The following ST3GAL6 variants were observed in gnomAD, a reference collection of about 807,000 sequenced individuals.
The protein encoded by ST3GAL6 is ST3 beta-galactoside alpha-2,3-sialyltransferase 6, also known as type 2 lactosamine alpha-2,3-sialyltransferase.
A neutral mutation model predicts 40.5 loss-of-function variants in ST3GAL6; 31 were observed. That is an observed-to-expected ratio of 0.77 (90% CI 0.58 to 1.03). The LOEUF is 1.03. Among genes scored for constraint, ST3GAL6 ranks in the 50% least tolerant of loss-of-function variants. The probability of loss-of-function intolerance (pLI) is 0.00; values close to 1 mark genes in which losing one functional copy is unlikely to be tolerated. For missense variants in ST3GAL6, 357 were observed against 393.2 expected (o/e 0.91, Z 0.78); for synonymous variants, 129 against 136.9 (o/e 0.94, Z 0.40).
intron 1 of ST3GAL6, among the ~76,000 whole-genome samples, chr3:98,734,802 T>C (rs1231117797): frequency 1.3e-5 from 2 of 152,206 alleles, no homozygotes; most frequent in Non-Finnish European, 2.9e-5. Flanking sequence ...AAATCGTAGG[T>C]GTTCTCATTC....
Position 98,749,912 on chromosome 3 carries a change from A to G in ST3GAL6, c.-12+17380A>G, listed in dbSNP as rs561584318. ...AAATATGACCAAGCAATAAACGAGT[A>G]CCTTCAAAGCTTTTAAGAAATTCTT... On this transcript the variant is annotated intron_variant, in intron 1 of 9. Coordinates refer to the ST3GAL6 transcript ENST00000265261. 3.5e-4 allele frequency among the ~76,000 whole-genome samples: 54 copies of G among 152,332 alleles called. 1 individual carries two copies. The highest frequency in any genetic ancestry group is 1.2e-3 in the South Asian group (6 of 4,830).
chr3:98,779,997 G>C (rs1300977711), intron 5 of ST3GAL6, among the ~76,000 whole-genome samples: 2 of 152,170 alleles, frequency 1.3e-5, no homozygotes, highest in Non-Finnish European at 2.9e-5. Context: ...ATTTCTACAT[G>C]AAAGTTATGT....
chr3:98,778,841 G>C (rs191350968), intron 5 of ST3GAL6, among the ~76,000 whole-genome samples: 5 of 152,336 alleles, frequency 3.3e-5, no homozygotes, highest in African/African-American at 1.2e-4. Flanking sequence ...GTCTTCACTA[G>C]GAGTGATTTA....
At chr3:98,743,862 C>A (rs1004823607) in intron 1 of ST3GAL6, among the ~76,000 whole-genome samples, 1 of 152,112 alleles carries the variant, frequency 6.6e-6, no homozygotes, top group Admixed American at 6.5e-5. Context: ...GAGCCTTGGG[C>A]ACCCCAACGA....
intron 1 of ST3GAL6, among the ~76,000 whole-genome samples, chr3:98,734,256 C>A (rs2107237101): frequency 6.6e-6 from 1 of 152,278 alleles, no homozygotes; most frequent in South Asian, 2.1e-4. Context: ...TGAAAGCATG[C>A]CGATTTGACA....
Position 98,788,086 on chromosome 3 carries a change from C to T in ST3GAL6, c.482C>T (p.Thr161Ile), listed in dbSNP as rs752775935. 2 of 1,613,964 alleles carry T rather than the reference C, an allele frequency of 1.2e-6. No individual in the cohort carries two copies. The highest frequency in any genetic ancestry group is 8.5e-7 in the Non-Finnish European group (1 of 1,179,938). The change falls in exon 7 of 10, where the codon ACA (threonine) becomes ATA (isoleucine). Residue 161 changes from threonine to isoleucine, a missense_variant. Physicochemically the swap from Thr to Ile is moderately conservative, Grantham distance 89. Coordinates refer to ENST00000483910, the MANE Select transcript of ST3GAL6 (RefSeq NM_001323368.2). ...CATGAAGAAGAAGTTGGGAGAAGGA[C>T]AACCTTCCGACTTTTTTATCCAGAA... ...LGHEEEVGRR[T>I]TFRLFYPESV...
chr3:98,763,511 G>A, intron 1 of ST3GAL6, 72 bp downstream of exon 1: 1 of 1,263,046 alleles, frequency 7.9e-7, no homozygotes, highest in South Asian at 1.2e-5. Flanking sequence ...TGAGATATTA[G>A]ACATTAGGTG....
rs777169108 is a variant in ST3GAL6 at position 98,768,423 on chromosome 3, G to A, written c.-11-7G>A. The A allele has an allele frequency of 6.2e-7, 1 of 1,611,264 alleles. No individual in the cohort carries two copies. The highest frequency in any genetic ancestry group is 1.1e-5 in the South Asian group (1 of 90,998). On this transcript the variant is annotated splice_region_variant and splice_polypyrimidine_tract_variant and intron_variant, in intron 1 of 9. Coordinates refer to ENST00000483910, the MANE Select transcript of ST3GAL6 (RefSeq NM_001323368.2). ...CTTTGCTTTGGACTTCATTCCTTGT[G>A]TTTCAGGTGAGCCAGCCATGAGAGG...
At chr3:98,748,950 C>A (rs1257191632) in intron 1 of ST3GAL6, among the ~76,000 whole-genome samples, 3 of 152,122 alleles carry the variant, frequency 2.0e-5, no homozygotes, top group Admixed American at 6.6e-5. Flanking sequence ...CCTGTCCTTC[C>A]CTATCTGGAT....
chr3:98,738,564 C>T (rs1935781388), intron 1 of ST3GAL6, among the ~76,000 whole-genome samples: 1 of 152,190 alleles, frequency 6.6e-6, no homozygotes, highest in Non-Finnish European at 1.5e-5. Context: ...AGGCATAAGC[C>T]ACTGTGCCCA....
chr3:98,757,907 C>T (rs544010098), intron 1 of ST3GAL6, among the ~76,000 whole-genome samples: 1 of 151,598 alleles, frequency 6.6e-6, no homozygotes, highest in South Asian at 2.1e-4. Flanking sequence ...ACGATTTTGG[C>T]TCACTGCAAC....
At chr3:98,785,145 GT>G (rs949790774) in intron 6 of ST3GAL6, 105 bp downstream of exon 6, 1,126 of 655,076 alleles carry the variant, frequency 1.7e-3, no homozygotes, top group Non-Finnish European at 1.9e-3. Context: ...TTTCCATTTG[GT>G]TTTTTTTTTA....
intron 1 of ST3GAL6, among the ~76,000 whole-genome samples, chr3:98,766,323 C>T (rs1014494679): frequency 2.7e-5 from 4 of 150,382 alleles, no homozygotes; most frequent in Non-Finnish European, 5.9e-5. Context: ...CCTTCATATA[C>T]TGTCTTAGAT....
At chr3:98,759,728 T>C (rs1321542627), upstream of ST3GAL6, among the ~76,000 whole-genome samples, 1 of 152,168 alleles carries the variant, frequency 6.6e-6, no homozygotes, top group Non-Finnish European at 1.5e-5. Context: ...CTGTAATTCT[T>C]GGGTTCAAGT....
intron 5 of ST3GAL6, among the ~76,000 whole-genome samples, chr3:98,779,198 G>T (rs147021571): frequency 1.1e-4 from 16 of 152,324 alleles, no homozygotes; most frequent in African/African-American, 9.6e-5. Flanking sequence ...CAGAAAGGAA[G>T]AAGTGAGTAA....
Position 98,772,809 on chromosome 3 carries a change from C to T in ST3GAL6, c.168-4C>T. 1 of 1,608,314 alleles carries T rather than the reference C, an allele frequency of 6.2e-7. No homozygotes were observed. The highest frequency in any genetic ancestry group is 1.3e-5 in the African/African-American group (1 of 74,902). ...CAAAATCATTCTTTATCCTTTCCTT[C>T]CAGGTTTCATCAGTTTCACCCTTTT... On this transcript the variant is annotated splice_region_variant and splice_polypyrimidine_tract_variant and intron_variant, in intron 3 of 9. Coordinates refer to ENST00000483910, the MANE Select transcript of ST3GAL6 (RefSeq NM_001323368.2).
At chr3:98,756,228 C>T in intron 1 of ST3GAL6, 1 of 589,900 alleles carries the variant, frequency 1.7e-6, no homozygotes, top group Non-Finnish European at 2.6e-6. Flanking sequence ...GTAATTTCAT[C>T]ATCCTGGAAA....
chr3:98,762,136 T>G (rs1159416815), upstream of ST3GAL6, among the ~76,000 whole-genome samples: 10 of 152,124 alleles, frequency 6.6e-5, no homozygotes, highest in Admixed American at 6.5e-4. Flanking sequence ...AAGAGAAGGG[T>G]GTTTGTGCAT....
At chr3:98,776,648 G>A (rs188256075) in intron 5 of ST3GAL6, among the ~76,000 whole-genome samples, 5 of 152,248 alleles carry the variant, frequency 3.3e-5, no homozygotes, top group African/African-American at 1.2e-4. Flanking sequence ...ATAATTGCTG[G>A]CCTTGCTCTC....
Sources: allele counts gnomAD v4.1 joint callset (sites outside exome capture counted in the v4.1 genomes callset), GRCh38; gene constraint gnomAD v4.1.1; transcripts MANE v1.5; gene names NCBI Gene and HGNC (gene_info 2026-07-23, HGNC 2026-07-21).